Variants in EXOC4 observed in about 807,000 individuals in gnomAD.
The protein encoded by EXOC4 is exocyst complex component 4, also known as SEC8-like 1.
In EXOC4, 71 loss-of-function variants were observed where a neutral mutation model predicts 107.2. That is an observed-to-expected ratio of 0.66 (90% confidence interval 0.55 to 0.81). The LOEUF is 0.81. EXOC4 is among the 30% of genes least tolerant of loss of function. The probability of loss-of-function intolerance (pLI) is 0.00; values close to 1 mark genes in which losing one functional copy is unlikely to be tolerated. For synonymous variants in EXOC4, 456 were observed against 441.2 expected (o/e 1.03, Z -0.42); for missense variants, 1,108 against 1,189.6 (o/e 0.93, Z 1.01).
chr7:133,378,051 C>T (rs1796528042), intron 7 of EXOC4, among the ~76,000 whole-genome samples: 1 of 151,854 alleles, frequency 6.6e-6, no homozygotes, highest in Non-Finnish European at 1.5e-5. Context: ...TGGCTCATGC[C>T]TGTAATGCCA....
intron 1 of EXOC4, among the ~76,000 whole-genome samples, chr7:133,254,678 G>A (rs1312583844): frequency 6.6e-6 from 1 of 152,158 alleles, no homozygotes; most frequent in African/African-American, 2.4e-5. Context: ...AGATGAAGCA[G>A]GCACAGTGTT....
intron 5 of EXOC4, among the ~76,000 whole-genome samples, chr7:133,335,950 A>G (rs1046158920): frequency 5.3e-5 from 8 of 152,154 alleles, no homozygotes; most frequent in Admixed American, 5.2e-4. Flanking sequence ...GTGATGCTGG[A>G]CATCTTTTCA....
intron 9 of EXOC4, among the ~76,000 whole-genome samples, chr7:133,549,885 T>G (rs1462852766): frequency 6.6e-6 from 1 of 152,210 alleles, no homozygotes; most frequent in Non-Finnish European, 1.5e-5. Flanking sequence ...TTTGAAAGTA[T>G]CATCTGGCAC....
intron 10 of EXOC4, among the ~76,000 whole-genome samples, chr7:133,688,365 C>T (rs1428207015): frequency 1.3e-5 from 2 of 152,018 alleles, no homozygotes; most frequent in South Asian, 2.1e-4. Context: ...AGTGAAAATA[C>T]GTATTGAAAA....
At chr7:133,784,969 A>G (rs1010616675) in intron 10 of EXOC4, among the ~76,000 whole-genome samples, 14 of 152,350 alleles carry the variant, frequency 9.2e-5, no homozygotes, top group East Asian at 3.9e-4. Flanking sequence ...CTGCAGCTAC[A>G]TGACCACAGA....
chr7:133,954,639 C>CCTCTGTGGCCACTGGTGCCTT (rs1800772583), intron 14 of EXOC4, among the ~76,000 whole-genome samples: 1 of 152,222 alleles, frequency 6.6e-6, no homozygotes, highest in Non-Finnish European at 1.5e-5. Flanking sequence ...CAGCAGGAAG[C>CCTCTGTGGCCACTGGTGCCTT]CTCTGTGGCC....
chr7:133,633,504 A>G (rs1802637616), intron 10 of EXOC4, among the ~76,000 whole-genome samples: 1 of 152,116 alleles, frequency 6.6e-6, no homozygotes, highest in Non-Finnish European at 1.5e-5. Flanking sequence ...GGATCACCTG[A>G]GGTCAGGAGT....
intron 10 of EXOC4, among the ~76,000 whole-genome samples, chr7:133,740,817 A>G (rs545852939): frequency 3.3e-5 from 5 of 152,326 alleles, no homozygotes; most frequent in Non-Finnish European, 5.9e-5. Flanking sequence ...GATAGTAGGC[A>G]TAGGTTCTCA....
chr7:133,458,532 T>G (rs1204551890), intron 7 of EXOC4, among the ~76,000 whole-genome samples: 1 of 152,210 alleles, frequency 6.6e-6, no homozygotes, highest in African/African-American at 2.4e-5. Context: ...CAGAATTGAT[T>G]GAAAACGTGT....
At chr7:133,390,414 G>A (rs573268282) in intron 7 of EXOC4, among the ~76,000 whole-genome samples, 2 of 152,230 alleles carry the variant, frequency 1.3e-5, no homozygotes, top group East Asian at 1.9e-4. Flanking sequence ...GCTGCTTTCC[G>A]AAGCTGGAGA....
intron 7 of EXOC4, among the ~76,000 whole-genome samples, chr7:133,404,244 C>T (rs1311805195): frequency 8.6e-5 from 13 of 151,978 alleles, no homozygotes; most frequent in African/African-American, 1.9e-4. Flanking sequence ...GGACTACAGG[C>T]GCCCGCCACT....
Position 133,688,385 on chromosome 7 carries a change from C to T in EXOC4, c.1514+58244C>T, listed in dbSNP as rs183877426. Among the ~76,000 whole-genome samples, 196 of 152,184 alleles carry T rather than the reference C, an allele frequency of 1.3e-3. 2 individuals are homozygous for T. Among genetic ancestry groups the T allele is most frequent in the African/African-American group, 4.5e-3 (186 of 41,528 alleles). On this transcript the variant is annotated intron_variant, in intron 10 of 17. Coordinates refer to ENST00000253861, the MANE Select transcript of EXOC4 (RefSeq NM_021807.4). ...AAATACGTATTGAAAAAAGTAATAG[C>T]GGTAAAGCAGTATCTTGCAGCTTTT...
At chr7:133,647,005 A>G (rs774886620) in intron 10 of EXOC4, among the ~76,000 whole-genome samples, 2 of 152,182 alleles carry the variant, frequency 1.3e-5, no homozygotes, top group Non-Finnish European at 2.9e-5. Flanking sequence ...CAACTCCAGG[A>G]AAGCCATCAC....
At chr7:133,850,365 C>T (rs1798215494) in intron 11 of EXOC4, among the ~76,000 whole-genome samples, 1 of 152,064 alleles carries the variant, frequency 6.6e-6, no homozygotes, top group Non-Finnish European at 1.5e-5. Flanking sequence ...TTAATAGGTG[C>T]TGTATGAAAA....
At chr7:133,761,217 G>A (rs1796025858) in intron 10 of EXOC4, among the ~76,000 whole-genome samples, 1 of 152,124 alleles carries the variant, frequency 6.6e-6, no homozygotes, top group Non-Finnish European at 1.5e-5. Context: ...GATGCCCTAA[G>A]GAGCATTTTT....
chr7:133,980,332 CA>C (rs1793949959), intron 14 of EXOC4, among the ~76,000 whole-genome samples: 1 of 152,172 alleles, frequency 6.6e-6, no homozygotes, highest in African/African-American at 2.4e-5. Context: ...GGATCCTCAC[CA>C]GGGGGTTCAA....
intron 10 of EXOC4, among the ~76,000 whole-genome samples, chr7:133,806,155 A>C (rs1290228888): frequency 6.6e-6 from 1 of 152,240 alleles, no homozygotes; most frequent in Non-Finnish European, 1.5e-5. Flanking sequence ...TGAAGGGGTA[A>C]ACAAGTAGAT....
chr7:133,922,869 A>G (rs1388580600), intron 13 of EXOC4, among the ~76,000 whole-genome samples: 1 of 151,818 alleles, frequency 6.6e-6, no homozygotes, highest in Admixed American at 6.6e-5. Context: ...AAAAATTTAT[A>G]CATGTGTGTT....
In EXOC4 at chr7:133,475,325, C is replaced by T; in HGVS notation, c.1183-3C>T. 1 of 1,607,590 alleles carries T rather than the reference C, an allele frequency of 6.2e-7. No homozygotes were observed. The highest frequency in any genetic ancestry group is 8.5e-7 in the Non-Finnish European group (1 of 1,175,836). On this transcript the variant is annotated splice_polypyrimidine_tract_variant and splice_region_variant and intron_variant, in intron 7 of 17. Transcript: ENST00000253861. ...ACATTAACTGATTTATCTGGTTGTACAGATGCTATTAACTGAGTACTTGGA... is the reference window on the plus strand; with the variant it reads ...ACATTAACTGATTTATCTGGTTGTATAGATGCTATTAACTGAGTACTTGGA...
Sources: allele counts gnomAD v4.1 joint callset (sites outside exome capture counted in the v4.1 genomes callset), GRCh38; gene constraint gnomAD v4.1.1; transcripts MANE v1.5; gene names NCBI Gene and HGNC (gene_info 2026-07-23, HGNC 2026-07-21).